The following GALNT13 variants were observed in gnomAD, a reference collection of about 807,000 sequenced individuals.
GALNT13 encodes the protein UDP-GalNAc:polypeptide N-acetylgalactosaminyltransferase 13.
Under a neutral mutation model 64.2 loss-of-function variants are expected in GALNT13, and 28 were observed. That is an observed-to-expected ratio of 0.44 (90% CI 0.32 to 0.60). The LOEUF is 0.60. GALNT13 is among the 20% of genes least tolerant of loss of function. GALNT13 has a pLI of 0.05. For synonymous variants in GALNT13, 214 were observed against 224.6 expected, an observed-to-expected ratio of 0.95 and a Z score of 0.42; for missense variants, 577 against 669.8, an observed-to-expected ratio of 0.86 and a Z score of 1.53.
chr2:154,155,115 A>C (rs913789581), intron 4 of GALNT13, among the ~76,000 whole-genome samples: 1 of 152,096 alleles, frequency 6.6e-6, no homozygotes, highest in African/African-American at 2.4e-5. Flanking sequence ...TTACCAGCTT[A>C]TGAAAGCTAT....
chr2:153,818,966 T>G, the GALNT13 span, among the ~76,000 whole-genome samples: 1 of 152,248 alleles, frequency 6.6e-6, no homozygotes, highest in South Asian at 2.1e-4. Flanking sequence ...GCACCTGAAC[T>G]TTGGACCAGC....
At chr2:153,292,585 G>A in the GALNT13 span, among the ~76,000 whole-genome samples, 1 of 152,136 alleles carries the variant, frequency 6.6e-6, no homozygotes, top group Non-Finnish European at 1.5e-5. Flanking sequence ...TGCAGGAGCA[G>A]TTGGGGGTAC....
At chr2:154,420,954 TATTAA>T (rs1327498662) in intron 11 of GALNT13, among the ~76,000 whole-genome samples, 1 of 152,188 alleles carries the variant, frequency 6.6e-6, no homozygotes, top group Non-Finnish European at 1.5e-5. Flanking sequence ...CCATCCTAGT[TATTAA>T]ATTGTTACAG....
chr2:153,398,015 G>T, the GALNT13 span, among the ~76,000 whole-genome samples: 1 of 151,820 alleles, frequency 6.6e-6, no homozygotes, highest in Non-Finnish European at 1.5e-5. Flanking sequence ...CTGGTGTGCT[G>T]CACCCACTAA....
chr2:153,135,492 T>C, the GALNT13 span, among the ~76,000 whole-genome samples: 2 of 152,148 alleles, frequency 1.3e-5, no homozygotes, highest in African/African-American at 2.4e-5. Context: ...CCATGTAAAT[T>C]TTCTACAGTA....
chr2:153,655,595 T>C, the GALNT13 span, among the ~76,000 whole-genome samples: 1 of 152,238 alleles, frequency 6.6e-6, no homozygotes, highest in African/African-American at 2.4e-5. Context: ...ATGGTTCACA[T>C]GATGACAGGG....
the GALNT13 span, among the ~76,000 whole-genome samples, chr2:153,144,151 G>A: frequency 1.6e-4 from 25 of 151,922 alleles, no homozygotes; most frequent in African/African-American, 5.8e-4. Context: ...TGGAAAGAAG[G>A]GTCATTGGAA....
At chr2:154,162,291 A>AATTCTTAAATAACATAATAAT (rs1339395759) in intron 4 of GALNT13, among the ~76,000 whole-genome samples, 1 of 152,228 alleles carries the variant, frequency 6.6e-6, no homozygotes, top group Non-Finnish European at 1.5e-5. Flanking sequence ...TGTTATGTAG[A>AATTCTTAAATAACATAATAAT]ATTCTTAAAT....
chr2:154,258,501 AT>A (rs1355315387), intron 7 of GALNT13, among the ~76,000 whole-genome samples: 2 of 147,384 alleles, frequency 1.4e-5, no homozygotes, highest in Non-Finnish European at 3.0e-5. Context: ...GTTAAAAAAA[AT>A]ACCTTTGTAA....
the GALNT13 span, among the ~76,000 whole-genome samples, chr2:153,399,273 A>G: frequency 2.0e-5 from 3 of 151,858 alleles, no homozygotes; most frequent in Non-Finnish European, 4.4e-5. Context: ...GTTCTGTTCC[A>G]TTGATCTATA....
At chr2:153,840,847 A>G in the GALNT13 span, among the ~76,000 whole-genome samples, 1 of 152,310 alleles carries the variant, frequency 6.6e-6, no homozygotes, top group East Asian at 1.9e-4. Flanking sequence ...CTTTCTGGGC[A>G]CAGAGTAGGA....
At chr2:154,131,699 C>T (rs748945038) in intron 3 of GALNT13, among the ~76,000 whole-genome samples, 1 of 152,082 alleles carries the variant, frequency 6.6e-6, no homozygotes, top group Admixed American at 6.6e-5. Context: ...AGAAGGACAG[C>T]GTTAATAGGA....
At chr2:153,336,759 A>C in the GALNT13 span, among the ~76,000 whole-genome samples, 1 of 152,114 alleles carries the variant, frequency 6.6e-6, no homozygotes, top group Non-Finnish European at 1.5e-5. Context: ...AAATGCGAGA[A>C]CATGAGATTT....
intron 4 of GALNT13, 45 bp from the exon 5 acceptor site, chr2:154,241,985 T>TA (rs779508278): frequency 5.1e-4 from 648 of 1,272,802 alleles, no homozygotes; most frequent in Middle Eastern, 1.2e-3. Flanking sequence ...ATAATCAGGA[T>TA]AAAAAATGCA....
At chr2:153,957,710 G>C (rs780462110) in intron 3 of GALNT13, among the ~76,000 whole-genome samples, 2 of 152,154 alleles carry the variant, frequency 1.3e-5, no homozygotes, top group African/African-American at 2.4e-5. Flanking sequence ...TAACTCTTAG[G>C]GGGCAGGGGA....
the GALNT13 span, among the ~76,000 whole-genome samples, chr2:153,272,425 A>T: frequency 1.0e-4 from 15 of 146,006 alleles, no homozygotes; most frequent in Non-Finnish European, 1.8e-4. Context: ...AAAAAAAAAA[A>T]CAACCCTATC....
intron 3 of GALNT13, among the ~76,000 whole-genome samples, chr2:154,022,883 C>G (rs879950398): frequency 7.2e-5 from 11 of 152,122 alleles, no homozygotes; most frequent in Admixed American, 7.2e-4. Context: ...CCTGGAGATT[C>G]TGGTGTGTTG....
At chr2:153,931,436 A>G (rs894462259) in intron 2 of GALNT13, among the ~76,000 whole-genome samples, 2 of 151,618 alleles carry the variant, frequency 1.3e-5, no homozygotes, top group Admixed American at 6.6e-5. Flanking sequence ...TCTTAAGGAG[A>G]ACGTTTCCAG....
At chr2:153,562,456 A>G in the GALNT13 span, among the ~76,000 whole-genome samples, 1 of 152,040 alleles carries the variant, frequency 6.6e-6, no homozygotes, top group Non-Finnish European at 1.5e-5. Context: ...TGTCTTCTTT[A>G]TTATTTTTGG....
Sources: allele counts gnomAD v4.1 joint callset (sites outside exome capture counted in the v4.1 genomes callset), GRCh38; gene constraint gnomAD v4.1.1; transcripts MANE v1.5; gene names NCBI Gene and HGNC (gene_info 2026-07-23, HGNC 2026-07-21).